LIFR: variants seen among roughly 807,000 people sequenced by gnomAD.
LIFR encodes the protein leukemia inhibitory factor receptor.
LIFR carries 84 observed loss-of-function variants against 122.2 expected under a neutral mutation model. The ratio of observed to expected loss-of-function variants is 0.69; its 90% CI spans 0.58 to 0.82. The LOEUF (loss-of-function observed/expected upper bound fraction) is 0.82. Among genes scored for constraint, LIFR ranks in the 40% least tolerant of loss-of-function variants. LIFR has a pLI of 0.00. For synonymous variants in LIFR, 422 were observed against 434.7 expected, an observed-to-expected ratio of 0.97 and a Z score of 0.36; for missense variants, 1,294 against 1,311.6, an observed-to-expected ratio of 0.99 and a Z score of 0.21.
chr5:38,491,879 A>T (rs893121982), intron 14 of LIFR, among the ~76,000 whole-genome samples: 1 of 152,218 alleles, frequency 6.6e-6, no homozygotes, highest in Non-Finnish European at 1.5e-5. Context: ...TTATCATTTT[A>T]TACTGCATGT....
At chr5:38,549,976 G>A (rs1748114067) in intron 1 of LIFR, among the ~76,000 whole-genome samples, 1 of 152,144 alleles carries the variant, frequency 6.6e-6, no homozygotes, top group African/African-American at 2.4e-5. Context: ...GAGGAGAAAG[G>A]TATCGACAGG....
intron 17 of LIFR, among the ~76,000 whole-genome samples, chr5:38,485,153 C>G (rs1468209556): frequency 6.6e-6 from 1 of 152,176 alleles, no homozygotes; most frequent in East Asian, 1.9e-4. Context: ...CCTTGCACTA[C>G]TGGAAGTTTA....
At chr5:38,566,767 T>C (rs1749038327) in intron 1 of LIFR, among the ~76,000 whole-genome samples, 1 of 152,218 alleles carries the variant, frequency 6.6e-6, no homozygotes, top group African/African-American at 2.4e-5. Context: ...TTCCTCATTC[T>C]TAGTCCCTGA....
chr5:38,498,374 T>G (rs1006305448), intron 12 of LIFR, among the ~76,000 whole-genome samples: 10 of 152,198 alleles, frequency 6.6e-5, no homozygotes, highest in Admixed American at 5.9e-4. Flanking sequence ...GCTCCATCCC[T>G]GGCCCACTTT....
chr5:38,481,656 G>C lies in LIFR; in HGVS notation c.3233C>G (p.Pro1078Arg). ...FLIPPKDEDS[P>R]KSNGGGWSFT... ...GGACCACCCTCCTCCATTAGATTTAGGAGAGTCTTCATCTTTAGGAGGAAT... is the reference window on the plus strand; with the variant it reads ...GGACCACCCTCCTCCATTAGATTTACGAGAGTCTTCATCTTTAGGAGGAAT... Residue 1078 changes from proline (P) to arginine (R), a missense_variant, in exon 20 of 20, where the codon CCT becomes CGT. Coordinates refer to ENST00000453190, the MANE Select transcript of LIFR (RefSeq NM_001127671.2). 5 of 1,614,146 alleles carry C rather than the reference G, an allele frequency of 3.1e-6. No individual in the cohort carries two copies. Among genetic ancestry groups the C allele is most frequent in the Non-Finnish European group, 4.2e-6 (5 of 1,180,006 alleles).
At chr5:38,537,592 G>A (rs1283673715) in intron 1 of LIFR, among the ~76,000 whole-genome samples, 6 of 151,718 alleles carry the variant, frequency 4.0e-5, no homozygotes, top group Admixed American at 6.6e-5. Context: ...AAAACATGAC[G>A]AAAACTTATC....
At chr5:38,593,331 A>G (rs1278600257) in intron 1 of LIFR, among the ~76,000 whole-genome samples, 4 of 152,240 alleles carry the variant, frequency 2.6e-5, no homozygotes, top group African/African-American at 9.6e-5. Context: ...AATCTGGCAT[A>G]GGTAAAAACT....
chr5:38,484,470 T>C (rs1474744817), intron 18 of LIFR, among the ~76,000 whole-genome samples: 3 of 152,260 alleles, frequency 2.0e-5, no homozygotes, highest in Admixed American at 1.3e-4. Context: ...CATTAAATTA[T>C]GCTTAATCTT....
chr5:38,538,210 T>C (rs986756546), intron 1 of LIFR, among the ~76,000 whole-genome samples: 7 of 152,216 alleles, frequency 4.6e-5, no homozygotes, highest in African/African-American at 1.7e-4. Flanking sequence ...TCAGATTCTA[T>C]TCCTACTTAG....
At chr5:38,563,689 C>A (rs906125651) in intron 1 of LIFR, among the ~76,000 whole-genome samples, 4 of 152,178 alleles carry the variant, frequency 2.6e-5, no homozygotes, top group African/African-American at 9.7e-5. Context: ...TCAGCCCATC[C>A]TCCCTACAAT....
At chr5:38,505,401 T>TAC (rs58882043) in intron 9 of LIFR, among the ~76,000 whole-genome samples, 15,772 of 139,250 alleles carry the variant, frequency 0.11, 855 homozygotes, top group African/African-American at 0.13. Flanking sequence ...TGCATAGAAC[T>TAC]ACACACACAC....
rs886060618 is a variant in LIFR at position 38,479,740 on chromosome 5, T to C, written c.*1855A>G. ...AGAAGGCAGCCCCAGGTCTGATGTC[T>C]GGGGTGGAAGCTAAGGGAAGGAGCC... On this transcript the variant is annotated 3_prime_UTR_variant, in exon 20 of 20. Coordinates refer to ENST00000453190, the MANE Select transcript of LIFR (RefSeq NM_001127671.2). The C allele has an allele frequency of 4.3e-6, 1 of 231,616 alleles. No homozygotes were observed. Among genetic ancestry groups the C allele is most frequent in the African/African-American group, 2.2e-5 (1 of 45,216 alleles). The allele number at this position is 231,616 out of a possible 1,614,324, so 14.3% of individuals were successfully genotyped here.
At chr5:38,517,251 C>T (rs1345065806) in intron 5 of LIFR, among the ~76,000 whole-genome samples, 1 of 151,812 alleles carries the variant, frequency 6.6e-6, no homozygotes, top group Non-Finnish European at 1.5e-5. Flanking sequence ...AGCCTTGTCC[C>T]TAAAGGGAGT....
At chr5:38,488,924 T>A (rs1255379644) in intron 16 of LIFR, among the ~76,000 whole-genome samples, 154 bp downstream of exon 16, 1 of 152,232 alleles carries the variant, frequency 6.6e-6, no homozygotes, top group Non-Finnish European at 1.5e-5. Context: ...TTAAAACTCT[T>A]ATATTCATAG....
At chr5:38,521,783 C>T (rs555043702) in intron 5 of LIFR, among the ~76,000 whole-genome samples, 4 of 152,082 alleles carry the variant, frequency 2.6e-5, no homozygotes, top group Non-Finnish European at 4.4e-5. Flanking sequence ...TCTTCAGGCC[C>T]GCAGGTAGCA....
chr5:38,519,808 C>A (rs1462420473), intron 5 of LIFR, among the ~76,000 whole-genome samples: 2 of 152,160 alleles, frequency 1.3e-5, no homozygotes. Flanking sequence ...TGATTTCATT[C>A]TTTTTTATGG....
chr5:38,573,730 A>C lies in LIFR; in HGVS notation c.-20+21531T>G, dbSNP rs1034324310. On this transcript the variant is annotated intron_variant, in intron 1 of 19. Transcript: ENST00000263409. The stretch of plus-strand genomic sequence containing the variant: ...TGGATGAATACTGAAATGTAAATTT[A>C]CAAATCAGCATATATTTTTGCACTT... Among the ~76,000 whole-genome samples the C allele has an allele frequency of 1.2e-3, 183 of 152,232 alleles. 2 individuals are homozygous for C. Among genetic ancestry groups the C allele is most frequent in the Non-Finnish European group, 2.1e-4 (14 of 68,044 alleles).
At chr5:38,583,572 C>A (rs912391265) in intron 1 of LIFR, among the ~76,000 whole-genome samples, 1 of 152,002 alleles carries the variant, frequency 6.6e-6, no homozygotes, top group Non-Finnish European at 1.5e-5. Flanking sequence ...GGGTTAATAC[C>A]CAAAATTTAT....
rs1744886202 is a variant in LIFR at position 38,496,522 on chromosome 5, T to A, written c.1745A>T (p.Gln582Leu). Residue 582 changes from glutamine to leucine, a missense_variant, in exon 13 of 20, where the codon CAG becomes CTG. Transcript: ENST00000453190. ...AGGATCAGGGATTTCAGAAAGGGAC[T>A]GTGTTTCCTCATCTGATGAACACGA... ...NVSCSSDEET[Q>L]SLSEIPDPQH... 3.1e-6 allele frequency: 5 copies of A among 1,613,694 alleles called. No individual in the cohort carries two copies.
Sources: gnomAD v4.1 joint callset for allele counts (sites outside exome capture counted in the v4.1 genomes callset) on GRCh38, gnomAD v4.1.1 for gene constraint, MANE v1.5 for transcripts, NCBI Gene and HGNC (gene_info 2026-07-23, HGNC 2026-07-21) for gene names.